Variants in PCLO observed in about 807,000 individuals in gnomAD.
PCLO encodes the protein protein piccolo.
PCLO carries 82 observed loss-of-function variants against 427.5 expected under a neutral mutation model. The observed-to-expected ratio is 0.19, with a 90% CI of 0.16 to 0.23. The LOEUF is 0.23. Among genes scored for constraint, PCLO ranks in the 10% least tolerant of loss-of-function variants. The pLI is 1.00. For missense variants in PCLO, 6,239 were observed against 6,115.9 expected (o/e 1.02, Z -0.67); for synonymous variants, 2,357 against 2,155.4 (o/e 1.09, Z -2.59).
At chr7:82,814,182 A>AT in intron 20 of PCLO, among the ~76,000 whole-genome samples, 1 of 151,756 alleles carries the variant, frequency 6.6e-6, no homozygotes, top group Non-Finnish European at 1.5e-5. Context: ...TGTAAATATA[A>AT]TTTAATCTAT....
chr7:83,153,445 TAACATA>T (rs747092693), intron 2 of PCLO, among the ~76,000 whole-genome samples: 6 of 152,122 alleles, frequency 3.9e-5, no homozygotes, highest in Non-Finnish European at 8.8e-5. Context: ...GTATCCACAT[TAACATA>T]AATTACCAAT....
chr7:83,044,442 A>G (rs990771362), intron 3 of PCLO, among the ~76,000 whole-genome samples: 31 of 152,340 alleles, frequency 2.0e-4, no homozygotes, highest in African/African-American at 7.5e-4. Context: ...CATAGCAGAT[A>G]ATCTCATAAA....
At chr7:83,025,686 G>A (rs1562926430) in intron 3 of PCLO, among the ~76,000 whole-genome samples, 1 of 151,722 alleles carries the variant, frequency 6.6e-6, no homozygotes, top group Non-Finnish European at 1.5e-5. Context: ...AGGAAAAAAT[G>A]TTAAGGGCAG....
intron 8 of PCLO, among the ~76,000 whole-genome samples, chr7:82,902,946 T>C (rs1371129706): frequency 6.6e-6 from 1 of 152,058 alleles, no homozygotes; most frequent in African/African-American, 2.4e-5. Context: ...TGTTTGCATT[T>C]ATAACCAATT....
intron 3 of PCLO, among the ~76,000 whole-genome samples, chr7:82,988,094 G>C (rs1215465021): frequency 6.6e-6 from 1 of 151,836 alleles, no homozygotes. Context: ...TAAAATTTAG[G>C]TTATTTTGGT....
chr7:82,958,133 C>T (rs1209897902), intron 4 of PCLO, among the ~76,000 whole-genome samples: 1 of 152,156 alleles, frequency 6.6e-6, no homozygotes, highest in East Asian at 1.9e-4. Context: ...CATGCTATAG[C>T]TCATTCTAGC....
intron 13 of PCLO, among the ~76,000 whole-genome samples, chr7:82,842,641 A>G (rs991718350): frequency 1.3e-5 from 2 of 152,116 alleles, no homozygotes; most frequent in Non-Finnish European, 2.9e-5. Flanking sequence ...GTGAGAAAAT[A>G]TTTGCAAACC....
intron 3 of PCLO, among the ~76,000 whole-genome samples, chr7:83,099,543 C>T (rs1465413483): frequency 1.3e-5 from 2 of 151,752 alleles, no homozygotes; most frequent in Non-Finnish European, 2.9e-5. Flanking sequence ...CAGGGGCCAC[C>T]ATGCCCAGCT....
chr7:83,058,458 T>C (rs544303620), intron 3 of PCLO, among the ~76,000 whole-genome samples: 17 of 152,312 alleles, frequency 1.1e-4, no homozygotes, highest in Non-Finnish European at 2.2e-4. Flanking sequence ...ACATACAGTC[T>C]GACATCAATA....
At chr7:82,966,629 T>C (rs1422323320) in intron 3 of PCLO, 142 bp from the exon 4 acceptor site, 3 of 475,214 alleles carry the variant, frequency 6.3e-6, no homozygotes, top group Admixed American at 3.8e-5. Context: ...CCAAATCCAA[T>C]GACGCAGTAA....
At chr7:83,096,780 T>C (rs1256598082) in intron 3 of PCLO, among the ~76,000 whole-genome samples, 1 of 118,836 alleles carries the variant, frequency 8.4e-6, no homozygotes, top group African/African-American at 3.3e-5. Flanking sequence ...TATTATATAA[T>C]ATAAATATAT....
chr7:83,122,743 T>A (rs1791321023), intron 3 of PCLO, among the ~76,000 whole-genome samples: 1 of 152,160 alleles, frequency 6.6e-6, no homozygotes, highest in African/African-American at 2.4e-5. Flanking sequence ...TTGAAAAACT[T>A]AAAGACTCCA....
chr7:82,985,750 G>GT (rs1554368262), intron 3 of PCLO, among the ~76,000 whole-genome samples: 13 of 151,912 alleles, frequency 8.6e-5, no homozygotes, highest in Non-Finnish European at 1.9e-4. Context: ...TTTTAAGAAT[G>GT]TGTAAGGGTA....
intron 10 of PCLO, among the ~76,000 whole-genome samples, chr7:82,866,880 C>T (rs1202027414): frequency 6.6e-6 from 1 of 152,034 alleles, no homozygotes; most frequent in African/African-American, 2.4e-5. Flanking sequence ...CAGTGTCTTG[C>T]CCTCAGGAGC....
intron 3 of PCLO, among the ~76,000 whole-genome samples, chr7:83,010,755 T>A (rs1314713377): frequency 6.6e-6 from 1 of 151,794 alleles, no homozygotes; most frequent in Non-Finnish European, 1.5e-5. Flanking sequence ...AAAGCACTAA[T>A]ATAATCATGT....
At chr7:82,807,554 C>T (rs986139825) in intron 20 of PCLO, among the ~76,000 whole-genome samples, 1 of 152,050 alleles carries the variant, frequency 6.6e-6, no homozygotes, top group Admixed American at 6.6e-5. Context: ...AGGAAATCCA[C>T]CCTCAGGGTA....
rs763582357 is a variant in PCLO, at chr7:82,824,396, G to A, written c.14436C>T (p.Ser4812=). ...TTGGAGTGTTATCGAGGTGAGATGTGCTAGATAAATCAATCAATACCTGAA... is the reference window on the plus strand; with the variant it reads ...TTGGAGTGTTATCGAGGTGAGATGTACTAGATAAATCAATCAATACCTGAA... ...FLGEVLIDLS[S]TSHLDNTPRW... Residue 4812 remains serine (S), a synonymous_variant, in exon 19 of 25, where the codon AGC becomes AGT. Coordinates refer to ENST00000333891, the MANE Select transcript of PCLO (RefSeq NM_033026.6). 3.1e-6 allele frequency: 5 copies of A among 1,601,736 alleles called. No homozygotes were observed. The highest frequency in any genetic ancestry group is 3.4e-6 in the Non-Finnish European group (4 of 1,172,942).
chr7:82,789,849 T>C (rs1791065275), intron 22 of PCLO, among the ~76,000 whole-genome samples: 1 of 152,218 alleles, frequency 6.6e-6, no homozygotes, highest in Non-Finnish European at 1.5e-5. Flanking sequence ...TTTCATCATG[T>C]TCGAACAGTT....
chr7:83,090,402 T>C (rs1023144840), intron 3 of PCLO, among the ~76,000 whole-genome samples: 3 of 152,140 alleles, frequency 2.0e-5, no homozygotes, highest in South Asian at 2.1e-4. Context: ...TCTCAAATAA[T>C]TGATCAATTA....
Sources: allele counts gnomAD v4.1 joint callset (sites outside exome capture counted in the v4.1 genomes callset), GRCh38; gene constraint gnomAD v4.1.1; transcripts MANE v1.5; gene names NCBI Gene and HGNC (gene_info 2026-07-23, HGNC 2026-07-21).